ITGBL1: variants seen among roughly 807,000 people sequenced by gnomAD.
ITGBL1 encodes integrin beta-like protein 1.
ITGBL1 carries 51 observed loss-of-function variants against 68.5 expected under a neutral mutation model. The ratio of observed to expected loss-of-function variants is 0.74; its 90% CI spans 0.59 to 0.94. ITGBL1 has a LOEUF of 0.94. ITGBL1 is among the 40% of genes least tolerant of loss of function. ITGBL1 has a pLI of 0.00. For missense variants in ITGBL1, 649 were observed against 647.4 expected, an observed-to-expected ratio of 1.00 and a Z score of -0.03; for synonymous variants, 209 against 227.3, an observed-to-expected ratio of 0.92 and a Z score of 0.72.
intron 2 of ITGBL1, among the ~76,000 whole-genome samples, chr13:101,489,287 T>A (rs1345952336): frequency 6.6e-6 from 1 of 152,190 alleles, no homozygotes; most frequent in Non-Finnish European, 1.5e-5. Context: ...AAAGGATTGA[T>A]AGATGGATAA....
At chr13:101,689,999 A>G (rs1393938793) in intron 7 of ITGBL1, among the ~76,000 whole-genome samples, 1 of 152,216 alleles carries the variant, frequency 6.6e-6, no homozygotes, top group Non-Finnish European at 1.5e-5. Flanking sequence ...GATTTTTATC[A>G]GAAGCCACTG....
Position 101,715,579 on chromosome 13 carries a change from C to A in ITGBL1, c.1410C>A (p.Ser470Arg), listed in dbSNP as rs1202954519. 6.2e-7 allele frequency: 1 copy of A among 1,612,010 alleles called. No individual in the cohort carries two copies. Among genetic ancestry groups the A allele is most frequent in the Non-Finnish European group, 8.5e-7 (1 of 1,178,330 alleles). Residue 470 changes from serine to arginine, a missense_variant, in exon 11 of 11, where the codon AGC becomes AGA. Ser to Arg is a moderately radical substitution (Grantham distance 110). Coordinates refer to ENST00000376180, the MANE Select transcript of ITGBL1 (RefSeq NM_004791.3). ...GLICTGNGIC[S>R]CGNCECWDGW... is the part of the protein sequence containing the mutation. ...TTATTGCAGGGAATGGAATATGTAG[C>A]TGTGGAAACTGTGAATGCTGGGATG...
intron 7 of ITGBL1, among the ~76,000 whole-genome samples, chr13:101,598,817 C>T (rs538888772): frequency 4.6e-5 from 7 of 152,264 alleles, no homozygotes; most frequent in Admixed American, 2.0e-4. Flanking sequence ...TGCCATATTT[C>T]CTTAATCCAG....
chr13:101,666,630 T>G (rs2033225763), intron 7 of ITGBL1, among the ~76,000 whole-genome samples: 2 of 152,226 alleles, frequency 1.3e-5, no homozygotes, highest in African/African-American at 4.8e-5. Context: ...TATTTTTGTT[T>G]GGTTACATGT....
chr13:101,641,020 T>A (rs1340378124), intron 7 of ITGBL1, among the ~76,000 whole-genome samples: 1 of 152,222 alleles, frequency 6.6e-6, no homozygotes, highest in Non-Finnish European at 1.5e-5. Flanking sequence ...GGTTTTGAAA[T>A]CTGCACTGCA....
chr13:101,508,518 A>G (rs1459873433), intron 2 of ITGBL1, among the ~76,000 whole-genome samples: 1 of 152,148 alleles, frequency 6.6e-6, no homozygotes, highest in Non-Finnish European at 1.5e-5. Context: ...GTGAGCTTCC[A>G]TTTTATCACA....
intron 7 of ITGBL1, among the ~76,000 whole-genome samples, chr13:101,612,735 T>G (rs2031191669): frequency 6.6e-6 from 1 of 152,158 alleles, no homozygotes; most frequent in Admixed American, 6.6e-5. Flanking sequence ...TGGAGTCTTG[T>G]GACCACACAA....
chr13:101,566,295 T>C (rs2050182301), intron 2 of ITGBL1, among the ~76,000 whole-genome samples: 1 of 152,122 alleles, frequency 6.6e-6, no homozygotes, highest in African/African-American at 2.4e-5. Context: ...TGCAAGAATT[T>C]GGCTTAATGC....
intron 9 of ITGBL1, among the ~76,000 whole-genome samples, chr13:101,709,402 AAG>A (rs2034358572): frequency 1.3e-5 from 2 of 148,490 alleles, no homozygotes; most frequent in African/African-American, 4.9e-5. Flanking sequence ...AAAAAAAGAA[AAG>A]CAGGAAAGGA....
At chr13:101,618,110 T>A (rs950313021) in intron 7 of ITGBL1, among the ~76,000 whole-genome samples, 1 of 152,226 alleles carries the variant, frequency 6.6e-6, no homozygotes, top group Non-Finnish European at 1.5e-5. Context: ...GCTTATAGAT[T>A]CTGGTTGAAT....
chr13:101,581,988 AT>A (rs1340702649), intron 5 of ITGBL1, among the ~76,000 whole-genome samples: 1 of 152,150 alleles, frequency 6.6e-6, no homozygotes, highest in African/African-American at 2.4e-5. Context: ...GCCAATCACG[AT>A]TATTTTGAAG....
chr13:101,676,605 G>C (rs2033509276), intron 7 of ITGBL1, among the ~76,000 whole-genome samples: 1 of 152,110 alleles, frequency 6.6e-6, no homozygotes, highest in African/African-American at 2.4e-5. Flanking sequence ...TTGGATAGAA[G>C]GTAGAAGTCA....
chr13:101,567,858 C>T lies in ITGBL1; in HGVS notation c.463+13C>T. 1 of 1,601,708 alleles carries T rather than the reference C, an allele frequency of 6.2e-7. No individual in the cohort carries two copies. Among genetic ancestry groups the T allele is most frequent in the Non-Finnish European group, 8.5e-7 (1 of 1,173,628 alleles). ...TGCTCTAATGCAGGTAAGAAGTATA[C>T]CCTGTGAAAATTGTTAAGTGGAATA... On this transcript the variant is annotated intron_variant, in intron 3 of 10. Transcript: ENST00000376180.
At chr13:101,533,242 G>A (rs998193111) in intron 2 of ITGBL1, among the ~76,000 whole-genome samples, 1 of 152,188 alleles carries the variant, frequency 6.6e-6, no homozygotes, top group African/African-American at 2.4e-5. Context: ...TTCAACTTGT[G>A]TCTCTGGAAG....
intron 7 of ITGBL1, among the ~76,000 whole-genome samples, chr13:101,604,773 C>T (rs2030588226): frequency 7.0e-6 from 1 of 143,446 alleles, no homozygotes; most frequent in African/African-American, 2.6e-5. Context: ...CTGACAGCCG[C>T]CATCACCTCA....
intron 2 of ITGBL1, among the ~76,000 whole-genome samples, chr13:101,465,419 T>C (rs2048370592): frequency 6.6e-6 from 1 of 152,218 alleles, no homozygotes; most frequent in Non-Finnish European, 1.5e-5. Context: ...TTTGAGGCAA[T>C]AATAGCTGCT....
chr13:101,644,991 A>G (rs1447028444), intron 7 of ITGBL1, among the ~76,000 whole-genome samples: 1 of 152,200 alleles, frequency 6.6e-6, no homozygotes, highest in Admixed American at 6.5e-5. Flanking sequence ...AGATAAGTAA[A>G]TTGGAGAATT....
intron 6 of ITGBL1, among the ~76,000 whole-genome samples, chr13:101,588,190 T>C (rs1340902306): frequency 1.3e-5 from 2 of 152,172 alleles, no homozygotes; most frequent in Admixed American, 6.5e-5. Context: ...TTTGGACCAC[T>C]CAATGGCTGC....
chr13:101,532,033 C>A (rs192681155), intron 2 of ITGBL1, among the ~76,000 whole-genome samples: 132 of 152,182 alleles, frequency 8.7e-4, no homozygotes, highest in African/African-American at 3.0e-3. Flanking sequence ...CGCGCCCGGC[C>A]AGTTTTATAC....
Sources: allele counts gnomAD v4.1 joint callset (sites outside exome capture counted in the v4.1 genomes callset), GRCh38; gene constraint gnomAD v4.1.1; transcripts MANE v1.5; gene names NCBI Gene and HGNC (gene_info 2026-07-23, HGNC 2026-07-21).